Variants in SDK1 observed in about 807,000 individuals in gnomAD.
SDK1 encodes protein sidekick-1.
Under a neutral mutation model 245.5 loss-of-function variants are expected in SDK1, and 157 were observed. That is an observed-to-expected ratio of 0.64 (90% CI 0.56 to 0.73). The LOEUF (loss-of-function observed/expected upper bound fraction) is 0.73. SDK1 is among the 30% of genes least tolerant of loss of function. The pLI is 0.00. For missense variants in SDK1, 3,583 were observed against 3,002.3 expected, an observed-to-expected ratio of 1.19 and a Z score of -4.52; for synonymous variants, 1,647 against 1,278.5, an observed-to-expected ratio of 1.29 and a Z score of -6.15.
In SDK1 at chr7:4,235,475, T is replaced by A. The variant is rs59105659; in HGVS notation, c.5992+2056T>A. On this transcript the variant is annotated intron_variant, in intron 41 of 44. Coordinates refer to ENST00000404826, the MANE Select transcript of SDK1 (RefSeq NM_152744.4). ...CACGGCGCCCAGCTGACCACTTGAT[T>A]TTTTAATGAGTAAGATTTAGAAAAA... is the stretch of plus-strand genomic sequence containing the variant. Among the ~76,000 whole-genome samples, 457 of 152,312 alleles carry A rather than the reference T, an allele frequency of 3.0e-3. 4 individuals are homozygous for A. Among genetic ancestry groups the A allele is most frequent in the African/African-American group, 0.011 (442 of 41,572 alleles).
chr7:3,729,212 C>T (rs1279353459), intron 4 of SDK1, among the ~76,000 whole-genome samples: 2 of 152,152 alleles, frequency 1.3e-5, no homozygotes, highest in Non-Finnish European at 2.9e-5. Flanking sequence ...CTTAGGAAAA[C>T]ATCATTTTGT....
chr7:3,473,184 T>C (rs978577298), intron 1 of SDK1, among the ~76,000 whole-genome samples: 1 of 152,090 alleles, frequency 6.6e-6, no homozygotes, highest in East Asian at 1.9e-4. Context: ...TGCAAACCAG[T>C]GAACTAATTT....
chr7:3,626,849 A>G (rs1024932061), intron 2 of SDK1, among the ~76,000 whole-genome samples: 1 of 152,188 alleles, frequency 6.6e-6, no homozygotes, highest in African/African-American at 2.4e-5. Flanking sequence ...TCTGTAATCC[A>G]AAAGAGCCTA....
At chr7:4,051,187 A>T (rs1365732253) in intron 18 of SDK1, among the ~76,000 whole-genome samples, 1 of 140,850 alleles carries the variant, frequency 7.1e-6, no homozygotes, top group African/African-American at 2.6e-5. Context: ...TATACATTAT[A>T]TATGTGTATA....
chr7:3,391,857 G>T (rs1221282756), intron 1 of SDK1, among the ~76,000 whole-genome samples: 1 of 151,664 alleles, frequency 6.6e-6, no homozygotes, highest in African/African-American at 2.4e-5. Context: ...TCAAACTCCT[G>T]AGCTCAAGCA....
At chr7:3,660,672 A>G (rs936136818) in intron 4 of SDK1, among the ~76,000 whole-genome samples, 1 of 152,218 alleles carries the variant, frequency 6.6e-6, no homozygotes, top group African/African-American at 2.4e-5. Context: ...AAAGTTTAGG[A>G]TCAAACAACC....
intron 4 of SDK1, among the ~76,000 whole-genome samples, chr7:3,811,613 C>A (rs754919896): frequency 1.3e-5 from 2 of 152,126 alleles, no homozygotes; most frequent in Non-Finnish European, 2.9e-5. Flanking sequence ...CCACCAAAGC[C>A]CCTCTCTGCT....
intron 5 of SDK1, among the ~76,000 whole-genome samples, chr7:3,902,683 AT>A: frequency 6.6e-6 from 1 of 152,338 alleles, no homozygotes; most frequent in South Asian, 2.1e-4. Context: ...TCTAAATTAC[AT>A]GAAAAGATGT....
chr7:4,205,783 A>G (rs1784181702), intron 35 of SDK1, 96 bp from the exon 36 acceptor site: 1 of 974,916 alleles, frequency 1.0e-6, no homozygotes, highest in Non-Finnish European at 1.6e-6. Flanking sequence ...TCCCAGCGGA[A>G]TTAGGGCATG....
In SDK1 at chr7:3,693,016, T is replaced by G. The variant is rs569478363; in HGVS notation, c.713+50911T>G. On this transcript the variant is annotated intron_variant, in intron 4 of 44. Transcript: ENST00000404826. Reference sequence around the variant, plus strand: ...CCAGTTTTCTGTTGAGATGATAGCCTTTTTTACAAAATAAATGAACATATT... The same window carrying G: ...CCAGTTTTCTGTTGAGATGATAGCCGTTTTTACAAAATAAATGAACATATT... Among the ~76,000 whole-genome samples the G allele has an allele frequency of 2.8e-4, 43 of 152,158 alleles. 1 individual carries two copies. In the South Asian group the frequency reaches 8.9e-3, roughly 32 times the overall value.
chr7:3,630,945 T>C (rs1192243268), intron 2 of SDK1, among the ~76,000 whole-genome samples: 1 of 152,144 alleles, frequency 6.6e-6, no homozygotes, highest in African/African-American at 2.4e-5. Context: ...AGATTTTTTT[T>C]TGTTTTTGGA....
At chr7:3,908,777 C>T (rs968447202) in intron 5 of SDK1, among the ~76,000 whole-genome samples, 24 of 151,312 alleles carry the variant, frequency 1.6e-4, no homozygotes, top group African/African-American at 4.6e-4. Flanking sequence ...ATGTCTAGAG[C>T]GGGAGTCAGG....
At chr7:4,234,278 A>G (rs2128236210) in intron 41 of SDK1, among the ~76,000 whole-genome samples, 1 of 152,304 alleles carries the variant, frequency 6.6e-6, no homozygotes, top group East Asian at 1.9e-4. Flanking sequence ...CTTCGCTGTG[A>G]GGTACCGCAG....
At chr7:3,774,589 C>T (rs1780496980) in intron 4 of SDK1, among the ~76,000 whole-genome samples, 2 of 152,164 alleles carry the variant, frequency 1.3e-5, no homozygotes, top group Admixed American at 1.3e-4. Context: ...CCTTAAGTAG[C>T]CTCCAGAGTT....
intron 4 of SDK1, among the ~76,000 whole-genome samples, chr7:3,796,590 C>T (rs1453896255): frequency 6.6e-6 from 1 of 152,176 alleles, no homozygotes; most frequent in Admixed American, 6.5e-5. Flanking sequence ...CCAGGCGCAA[C>T]CACTTCTTAC....
chr7:3,684,027 C>T (rs949257176), intron 4 of SDK1, among the ~76,000 whole-genome samples: 2 of 152,180 alleles, frequency 1.3e-5, no homozygotes, highest in Admixed American at 6.5e-5. Flanking sequence ...TGCATCTCCA[C>T]CGCTGCTCCA....
At chr7:4,225,945 CG>C (rs35677158) in intron 40 of SDK1, among the ~76,000 whole-genome samples, 23,794 of 152,052 alleles carry the variant, frequency 0.16, 2,496 homozygotes, top group Non-Finnish European at 0.22. Context: ...AAGCAGGCCG[CG>C]GGACCCGTGT....
chr7:3,508,387 G>T (rs762555375), intron 1 of SDK1, among the ~76,000 whole-genome samples: 1 of 147,514 alleles, frequency 6.8e-6, no homozygotes, highest in Non-Finnish European at 1.5e-5. Context: ...GTGCAGTGGT[G>T]TGTGATCTTG....
At chr7:3,724,182 C>T (rs1778939629) in intron 4 of SDK1, among the ~76,000 whole-genome samples, 1 of 151,998 alleles carries the variant, frequency 6.6e-6, no homozygotes, top group Non-Finnish European at 1.5e-5. Flanking sequence ...CCAGGCTGGT[C>T]TCGAACTCCT....
Sources: allele counts gnomAD v4.1 joint callset (sites outside exome capture counted in the v4.1 genomes callset), GRCh38; gene constraint gnomAD v4.1.1; transcripts MANE v1.5; gene names NCBI Gene and HGNC (gene_info 2026-07-23, HGNC 2026-07-21).